FSTL5: variants seen among roughly 807,000 people sequenced by gnomAD.
FSTL5 encodes the protein follistatin-related protein 5.
Under a neutral mutation model 89.1 loss-of-function variants are expected in FSTL5, and 62 were observed. The ratio of observed to expected loss-of-function variants is 0.70; its 90% CI spans 0.57 to 0.86. FSTL5 has a LOEUF of 0.86. Ranked by LOEUF, FSTL5 falls within the 40% of genes least tolerant of loss-of-function variation. The pLI, the probability that FSTL5 is intolerant of heterozygous loss-of-function variation, is 0.00. For synonymous variants in FSTL5, 383 were observed against 346.2 expected (o/e 1.11, Z -1.18); for missense variants, 1,057 against 1,001.6 (o/e 1.06, Z -0.75).
chr4:161,803,320 T>C (rs1326794496), intron 4 of FSTL5, among the ~76,000 whole-genome samples: 2 of 151,990 alleles, frequency 1.3e-5, no homozygotes, highest in Non-Finnish European at 2.9e-5. Context: ...ATCTATATTG[T>C]CTTTAATATC....
At chr4:161,894,853 A>G (rs1733105458) in intron 4 of FSTL5, among the ~76,000 whole-genome samples, 1 of 152,220 alleles carries the variant, frequency 6.6e-6, no homozygotes, top group Non-Finnish European at 1.5e-5. Context: ...AAGCTTCTAT[A>G]AGACAGGAAA....
chr4:161,430,195 G>A (rs1314575594), intron 15 of FSTL5, among the ~76,000 whole-genome samples: 1 of 149,244 alleles, frequency 6.7e-6, no homozygotes, highest in Non-Finnish European at 1.5e-5. Flanking sequence ...ATACACAGAG[G>A]AGCAAAAAGA....
chr4:161,889,979 A>G (rs1389021544), intron 4 of FSTL5, among the ~76,000 whole-genome samples: 1 of 152,190 alleles, frequency 6.6e-6, no homozygotes, highest in Non-Finnish European at 1.5e-5. Context: ...ATTTTGAAAA[A>G]CATTAGAAGA....
At chr4:161,411,670 A>C (rs1481301955) in intron 15 of FSTL5, among the ~76,000 whole-genome samples, 1 of 152,192 alleles carries the variant, frequency 6.6e-6, no homozygotes, top group Non-Finnish European at 1.5e-5. Context: ...CAGACTAGGC[A>C]TCAAAGGAAC....
intron 2 of FSTL5, among the ~76,000 whole-genome samples, chr4:162,086,140 T>A (rs911204546): frequency 2.0e-5 from 3 of 152,076 alleles, no homozygotes; most frequent in Non-Finnish European, 4.4e-5. Context: ...TCAGCCATTA[T>A]CAGAATGCAT....
intron 4 of FSTL5, among the ~76,000 whole-genome samples, chr4:161,780,822 G>T (rs1741639604): frequency 6.6e-6 from 1 of 152,172 alleles, no homozygotes; most frequent in African/African-American, 2.4e-5. Flanking sequence ...ATTATGCTTA[G>T]TAAAATATGT....
chr4:162,009,562 C>T (rs1560968014), intron 3 of FSTL5, among the ~76,000 whole-genome samples: 2 of 151,948 alleles, frequency 1.3e-5, no homozygotes, highest in South Asian at 4.1e-4. Context: ...GGTTATATGA[C>T]CTCTGATTGC....
intron 15 of FSTL5, among the ~76,000 whole-genome samples, chr4:161,412,686 C>T (rs1240619226): frequency 1.3e-5 from 2 of 152,028 alleles, no homozygotes; most frequent in Non-Finnish European, 2.9e-5. Context: ...ACACAGTAGA[C>T]AAAATAGTTT....
chr4:161,585,777 T>C (rs1733592835), intron 8 of FSTL5, among the ~76,000 whole-genome samples: 1 of 152,112 alleles, frequency 6.6e-6, no homozygotes. Flanking sequence ...CATTTACCTA[T>C]AGGGACGAGC....
chr4:161,615,590 GTATAAC>G (rs1166513764), intron 7 of FSTL5, among the ~76,000 whole-genome samples: 2 of 151,774 alleles, frequency 1.3e-5, no homozygotes, highest in African/African-American at 2.4e-5. Flanking sequence ...TTATCAAATG[GTATAAC>G]TATATCTAGG....
At chr4:161,410,447 A>G (rs1731548010) in intron 15 of FSTL5, among the ~76,000 whole-genome samples, 1 of 152,218 alleles carries the variant, frequency 6.6e-6, no homozygotes, top group Non-Finnish European at 1.5e-5. Context: ...TGCATGGAAC[A>G]TATTCTAAGA....
intron 4 of FSTL5, among the ~76,000 whole-genome samples, chr4:161,892,142 AT>A (rs1733007605): frequency 6.6e-6 from 1 of 152,010 alleles, no homozygotes; most frequent in Non-Finnish European, 1.5e-5. Flanking sequence ...TCTGAAATAA[AT>A]CATTGTGATC....
At chr4:161,505,978 T>C (rs1382045015) in intron 11 of FSTL5, among the ~76,000 whole-genome samples, 2 of 152,198 alleles carry the variant, frequency 1.3e-5, no homozygotes, top group Non-Finnish European at 2.9e-5. Context: ...CCCAATGCCA[T>C]GACTAAATCT....
rs1023173940 is a variant in FSTL5, at chr4:161,646,983, A to G, written c.894+9345T>C. On this transcript the variant is annotated intron_variant, in intron 7 of 15. Transcript: ENST00000306100. ...CCACTTTTTGATTGTTTCCTTTGCT[A>G]TGCAGAAACTATTTAGTTTGATGTA... Among the ~76,000 whole-genome samples, 14 of 152,056 alleles carry G rather than the reference A, an allele frequency of 9.2e-5. 1 individual carries two copies. Among genetic ancestry groups the G allele is most frequent in the South Asian group, 4.1e-4 (2 of 4,830 alleles).
At chr4:161,804,514 A>T (rs920589866) in intron 4 of FSTL5, among the ~76,000 whole-genome samples, 46 of 127,706 alleles carry the variant, frequency 3.6e-4, no homozygotes, top group African/African-American at 1.3e-3. Context: ...TATATGATCA[A>T]ATATGTTCTG....
intron 8 of FSTL5, among the ~76,000 whole-genome samples, chr4:161,556,878 T>G (rs1427013477): frequency 7.2e-6 from 1 of 139,112 alleles, no homozygotes; most frequent in Non-Finnish European, 1.7e-5. Context: ...GGATTAAGTT[T>G]ATTTTATCAA....
intron 3 of FSTL5, among the ~76,000 whole-genome samples, chr4:161,952,602 C>A (rs558711088): frequency 2.4e-4 from 37 of 151,964 alleles, no homozygotes; most frequent in African/African-American, 8.9e-4. Context: ...AGTGAAGGCA[C>A]GCCACCTGGC....
chr4:161,918,756 C>A (rs1024325924), intron 4 of FSTL5, among the ~76,000 whole-genome samples: 2 of 151,872 alleles, frequency 1.3e-5, no homozygotes, highest in Non-Finnish European at 2.9e-5. Flanking sequence ...GAGATTCTCC[C>A]ACCTCAGCCT....
At chr4:161,905,566 G>GT (rs1733498765) in intron 4 of FSTL5, among the ~76,000 whole-genome samples, 1 of 152,112 alleles carries the variant, frequency 6.6e-6, no homozygotes, top group Non-Finnish European at 1.5e-5. Context: ...CAAAATACTG[G>GT]TTTTTTTCTG....
Sources: allele counts gnomAD v4.1 joint callset (sites outside exome capture counted in the v4.1 genomes callset), GRCh38; gene constraint gnomAD v4.1.1; transcripts MANE v1.5; gene names NCBI Gene and HGNC (gene_info 2026-07-23, HGNC 2026-07-21).